The following GBP2 variants were observed in gnomAD, a reference collection of about 807,000 sequenced individuals.
GBP2 encodes the protein guanylate binding protein 2, also known as guanylate-binding protein 2.
Under a neutral mutation model 60.8 loss-of-function variants are expected in GBP2, and 54 were observed. That is an observed-to-expected ratio of 0.89 (90% confidence interval 0.71 to 1.11). The LOEUF (loss-of-function observed/expected upper bound fraction) is 1.11, where lower values mean the gene tolerates loss of function less well. Ranked by LOEUF, GBP2 falls within the 50% of genes most tolerant of loss-of-function variation. GBP2 has a pLI of 0.00. For missense variants in GBP2, 665 were observed against 703.3 expected, an observed-to-expected ratio of 0.95 and a Z score of 0.62; for synonymous variants, 243 against 256.5, an observed-to-expected ratio of 0.95 and a Z score of 0.50.
intron 5 of GBP2, 82 bp downstream of exon 5, chr1:89,117,495 A>T: frequency 8.1e-7 from 1 of 1,241,326 alleles, no homozygotes; most frequent in East Asian, 2.3e-5. Flanking sequence ...AAAAATTATA[A>T]TTTTTAGCAC....
rs201651966 is a variant in GBP2, at chr1:89,121,182, T to C, written c.279A>G (p.Leu93=). 1.3e-5 allele frequency: 21 copies of C among 1,613,236 alleles called. 2 individuals are homozygous for C. In the South Asian group the frequency reaches 2.3e-4, roughly 18 times the overall value. Residue 93 remains leucine (L), a synonymous_variant, in exon 3 of 11, where the codon CTA becomes CTG. Coordinates refer to ENST00000370466, the MANE Select transcript of GBP2 (RefSeq NM_004120.5). ...CCAGGCCCTCAGTGTCGAGCAGAAC[T>C]AGGGTGTGTTCTGGCTTCTTGGGAT... is the stretch of plus-strand genomic sequence containing the variant. The part of the protein sequence containing the change: ...VPHPKKPEHT[L]VLLDTEGLGD...
At chr1:89,122,682 A>G (rs1681425773) in intron 1 of GBP2, among the ~76,000 whole-genome samples, 1 of 152,208 alleles carries the variant, frequency 6.6e-6, no homozygotes, top group Non-Finnish European at 1.5e-5. Context: ...GTTCTCTGCC[A>G]GGTTTCTCTA....
In GBP2 at chr1:89,117,066, G is replaced by T. The variant is rs1377590835; in HGVS notation, c.794C>A (p.Ala265Glu). 6.2e-7 allele frequency: 1 copy of T among 1,614,120 alleles called. No homozygotes were observed. The highest frequency in any genetic ancestry group is 2.2e-5 in the East Asian group (1 of 44,868). The change falls in exon 6 of 11, where the codon GCA (alanine) becomes GAA (glutamate). Residue 265 changes from alanine (A) to glutamate (E), a missense_variant. Transcript: ENST00000370466. The stretch of plus-strand genomic sequence containing the variant: ...GCTGAGGATGTAGGAACAAAATTCT[G>T]CAACTTGTTCTATGAAATCAGGGTT... ...ELNPDFIEQV[A>E]EFCSYILSHS...
In GBP2 at chr1:89,112,481, C is replaced by G. The variant is rs1681186021; in HGVS notation, c.1353G>C (p.Lys451Asn). The change falls in exon 8 of 11, where the codon AAG becomes AAC. Residue 451 changes from lysine to asparagine, a missense_variant. Coordinates refer to ENST00000370466, the MANE Select transcript of GBP2 (RefSeq NM_004120.5). ...CCACCGTGTAGTTTACCTGTATCCC[C>G]TTCCTTGGCACCTGGTAGTACTTAT... ...LKNKYYQVPRKGIQAKEVLKK... is the reference protein window; with the variant it reads ...LKNKYYQVPRNGIQAKEVLKK... The G allele has an allele frequency of 2.5e-6, 4 of 1,613,872 alleles. No homozygotes were observed. Among genetic ancestry groups the G allele is most frequent in the Admixed American group, 3.3e-5 (2 of 60,008 alleles).
At chr1:89,120,034 G>A (rs746236858) in intron 4 of GBP2, 145 bp downstream of exon 4, 33 of 618,610 alleles carry the variant, frequency 5.3e-5, no homozygotes, top group Non-Finnish European at 8.9e-5. Context: ...GATTGAGATA[G>A]AATGAGATGT....
rs2100608593 is a variant in GBP2, at chr1:89,106,825, T to C, written c.*1350A>G. ...TGTGAGCAGCTCAAAGATGCAACTT[T>C]TCATGGGGTAGGGGAGTATTTGTTT... On this transcript the variant is annotated 3_prime_UTR_variant, in exon 11 of 11. Transcript: ENST00000370466. The C allele has an allele frequency of 6.6e-6, 1 of 152,314 alleles. No homozygotes were observed. The highest frequency in any genetic ancestry group is 6.5e-5 in the Admixed American group (1 of 15,304). 9.4% of individuals were successfully genotyped at this position (152,314 alleles called of 1,614,324 possible).
intron 3 of GBP2, 105 bp from the exon 4 acceptor site, chr1:89,120,393 C>G: frequency 1.1e-6 from 1 of 930,542 alleles, no homozygotes; most frequent in East Asian, 2.4e-5. Context: ...CTCATTAGTT[C>G]TGAAAACTTA....
Position 89,109,935 on chromosome 1 carries a change from C to T in GBP2, c.1466-65G>A. On this transcript the variant is annotated intron_variant, in intron 9 of 10. Transcript: ENST00000370466. ...AATTGTAGGTGTTCCCTTTTCCTTT[C>T]CCTCGTTTTTGTTTGTCTTATCCTT... The T allele has an allele frequency of 2.1e-6, 3 of 1,443,662 alleles. No homozygotes were observed. The South Asian group carries it at 3.9e-5, about 19-fold the overall frequency. The allele number at this position is 1,443,662 out of a possible 1,614,324, so 89.4% of individuals were successfully genotyped here.
chr1:89,125,551 T>A (rs1190774744), intron 1 of GBP2, among the ~76,000 whole-genome samples: 1 of 152,176 alleles, frequency 6.6e-6, no homozygotes, highest in African/African-American at 2.4e-5. Flanking sequence ...TACCTAGAGC[T>A]CTACAAGTGG....
intron 1 of GBP2, among the ~76,000 whole-genome samples, chr1:89,124,343 G>A (rs1681471341): frequency 6.6e-6 from 1 of 152,146 alleles, no homozygotes; most frequent in Non-Finnish European, 1.5e-5. Flanking sequence ...GTATCAGGTT[G>A]AATTCCCACC....
chr1:89,121,802 C>T lies in GBP2; in HGVS notation c.165G>A (p.Met55Ile). The change falls in exon 2 of 11, where the codon ATG becomes ATA. Residue 55 changes from methionine (M) to isoleucine (I), a missense_variant. Physicochemically the swap from Met to Ile is conservative, Grantham distance 10. Transcript: ENST00000370466. ...GLYRTGKSYLMNKLAGKKNGF... is the reference protein window; with the variant it reads ...GLYRTGKSYLINKLAGKKNGF... ...CGTTTTTCTTCCCAGCCAGCTTGTT[C>T]ATCAGGTAGGATTTGCCTGTGCGAT... 3 of 1,614,006 alleles carry T rather than the reference C, an allele frequency of 1.9e-6. No individual in the cohort carries two copies. The highest frequency in any genetic ancestry group is 2.5e-6 in the Non-Finnish European group (3 of 1,179,914).
chr1:89,112,813 G>T (rs1360684822), intron 7 of GBP2, 129 bp from the exon 8 acceptor site: 2 of 665,746 alleles, frequency 3.0e-6, no homozygotes, highest in Non-Finnish European at 5.3e-6. Context: ...TCCTCACATT[G>T]CTGTTAGATC....
chr1:89,117,541 C>CA (rs1681302213), intron 5 of GBP2, 36 bp downstream of exon 5: 48 of 1,529,334 alleles, frequency 3.1e-5, no homozygotes, highest in Non-Finnish European at 4.2e-5. Context: ...TATTTGCTCT[C>CA]TATTTATTAC....
chr1:89,119,881 G>C (rs1288462958), intron 4 of GBP2: 2 of 303,072 alleles, frequency 6.6e-6, no homozygotes, highest in African/African-American at 4.4e-5. Flanking sequence ...ATAGAGAGTT[G>C]CAGAAGTGAG....
intron 1 of GBP2, among the ~76,000 whole-genome samples, chr1:89,122,584 A>G (rs1324674514): frequency 6.6e-6 from 1 of 152,038 alleles, no homozygotes; most frequent in Admixed American, 6.5e-5. Context: ...ATGTTCTGCC[A>G]TTTTCAGTGT....
rs2100609355 is a variant in GBP2 at position 89,107,987 on chromosome 1, T to C, written c.*188A>G. ...GTACTATAAATAAGCATGAGTTGAA[T>C]TGCTCTGTAGGTAAAACATTGACCT... is the stretch of plus-strand genomic sequence containing the variant. On this transcript the variant is annotated 3_prime_UTR_variant, in exon 11 of 11. Transcript: ENST00000370466. The C allele has an allele frequency of 2.1e-6, 1 of 481,840 alleles. No homozygotes were observed. Among genetic ancestry groups the C allele is most frequent in the East Asian group, 3.8e-5 (1 of 26,072 alleles). The allele number at this position is 481,840 out of a possible 1,614,324, so 29.8% of individuals were successfully genotyped here.
intron 4 of GBP2, chr1:89,118,658 A>T (rs990942348): frequency 6.6e-6 from 1 of 152,232 alleles, no homozygotes; most frequent in African/African-American, 2.4e-5. Flanking sequence ...GGTAGTTGAA[A>T]AGATAACCAA....
At chr1:89,122,004 T>G in intron 1 of GBP2, 21 bp from the exon 2 acceptor site, 1 of 1,545,426 alleles carries the variant, frequency 6.5e-7, no homozygotes, top group Non-Finnish European at 8.8e-7. Flanking sequence ...AGGAAAAAGA[T>G]GAAATGGAAA....
Position 89,114,072 on chromosome 1 carries a change from C to A in GBP2, c.1093G>T (p.Val365Phe). ...TCCTTGAAAGAGTTCTTCATGAAGA[C>A]TTCAATGGCCTCTCTCTCACTGTCC... ...HRDSEREAIEVFMKNSFKDVD... is the reference protein window; with the variant it reads ...HRDSEREAIEFFMKNSFKDVD... The change falls in exon 7 of 11, where the codon GTC (valine) becomes TTC (phenylalanine). Residue 365 changes from valine to phenylalanine, a missense_variant. Physicochemically the swap from Val to Phe is conservative, Grantham distance 50 (BLOSUM62 -1). Coordinates refer to ENST00000370466, the MANE Select transcript of GBP2 (RefSeq NM_004120.5). The A allele has an allele frequency of 3.1e-6, 5 of 1,614,192 alleles. No individual in the cohort carries two copies. The highest frequency in any genetic ancestry group is 4.2e-6 in the Non-Finnish European group (5 of 1,180,020).
Sources: gnomAD v4.1 joint callset for allele counts (sites outside exome capture counted in the v4.1 genomes callset) on GRCh38, gnomAD v4.1.1 for gene constraint, MANE v1.5 for transcripts, NCBI Gene and HGNC (gene_info 2026-07-23, HGNC 2026-07-21) for gene names.